The following TIAM2 variants were observed in gnomAD, a reference collection of about 807,000 sequenced individuals.
The protein encoded by TIAM2 is rho guanine nucleotide exchange factor TIAM2.
A neutral mutation model predicts 152.9 loss-of-function variants in TIAM2; 80 were observed. That is an observed-to-expected ratio of 0.52 (90% CI 0.44 to 0.63). The LOEUF (loss-of-function observed/expected upper bound fraction) is 0.63, where lower values mean the gene tolerates loss of function less well. Ranked by LOEUF, TIAM2 falls within the 30% of genes least tolerant of loss-of-function variation. The pLI, the probability that TIAM2 is intolerant of heterozygous loss-of-function variation, is 0.00. For synonymous variants in TIAM2, 804 were observed against 838.0 expected, an observed-to-expected ratio of 0.96 and a Z score of 0.70; for missense variants, 1,965 against 2,120.1, an observed-to-expected ratio of 0.93 and a Z score of 1.44.
At chr6:155,000,612 AACAGTAAGTG>A (rs1404090168) in intron 1 of TIAM2, among the ~76,000 whole-genome samples, 1 of 152,050 alleles carries the variant, frequency 6.6e-6, no homozygotes, top group African/African-American at 2.4e-5. Flanking sequence ...TTAAGTAGAG[AACAGTAAGTG>A]ACATTAAGTG....
intron 14 of TIAM2, among the ~76,000 whole-genome samples, chr6:155,204,170 G>A (rs191485868): frequency 2.6e-5 from 4 of 152,256 alleles, no homozygotes; most frequent in South Asian, 2.1e-4. Context: ...GAATTACCTC[G>A]ATTTTACAAA....
At chr6:155,115,803 G>T (rs960352142) in intron 2 of TIAM2, among the ~76,000 whole-genome samples, 1 of 152,160 alleles carries the variant, frequency 6.6e-6, no homozygotes, top group African/African-American at 2.4e-5. Flanking sequence ...TGTGCCTGGG[G>T]TATCCCGGCA....
At chr6:155,005,699 A>G (rs1350668083) in intron 1 of TIAM2, among the ~76,000 whole-genome samples, 1 of 144,068 alleles carries the variant, frequency 6.9e-6, no homozygotes, top group Non-Finnish European at 1.5e-5. Context: ...CTTGTTGCCT[A>G]GGCTGGAGTG....
At chr6:155,071,867 T>G (rs2114954788) in intron 1 of TIAM2, among the ~76,000 whole-genome samples, 1 of 147,488 alleles carries the variant, frequency 6.8e-6, no homozygotes, top group Middle Eastern at 3.5e-3. Context: ...CTGCACTCCA[T>G]GCTGGGCAAC....
chr6:155,095,629 A>G (rs2114986122), intron 2 of TIAM2, among the ~76,000 whole-genome samples: 1 of 152,332 alleles, frequency 6.6e-6, no homozygotes, highest in African/African-American at 2.4e-5. Flanking sequence ...CCCATCTGTC[A>G]GGATGCTGTA....
At chr6:155,133,473 A>G (rs1302720578) in intron 4 of TIAM2, among the ~76,000 whole-genome samples, 1 of 152,118 alleles carries the variant, frequency 6.6e-6, no homozygotes, top group African/African-American at 2.4e-5. Flanking sequence ...TGTTAAAAAA[A>G]GTACCTTCTT....
At chr6:155,142,436 G>A (rs1055832382) in intron 5 of TIAM2, among the ~76,000 whole-genome samples, 7 of 152,188 alleles carry the variant, frequency 4.6e-5, no homozygotes, top group African/African-American at 7.2e-5. Context: ...TAGATGCCAC[G>A]ATTTAAACCA....
chr6:155,104,561 T>C (rs944713747), intron 2 of TIAM2, among the ~76,000 whole-genome samples: 5 of 151,962 alleles, frequency 3.3e-5, no homozygotes, highest in Non-Finnish European at 5.9e-5. Flanking sequence ...ATCGAGACCA[T>C]CCTGGCTAAC....
At chr6:155,151,828 C>CT (rs5881122) in intron 7 of TIAM2, among the ~76,000 whole-genome samples, 9,017 of 144,428 alleles carry the variant, frequency 0.062, 305 homozygotes, top group South Asian at 0.084. Flanking sequence ...TCTATAGAAT[C>CT]TTTTTTTTTT....
intron 14 of TIAM2, among the ~76,000 whole-genome samples, chr6:155,201,969 T>C (rs543129533): frequency 3.0e-4 from 45 of 152,390 alleles, no homozygotes; most frequent in African/African-American, 9.9e-4. Flanking sequence ...AGAATTTATT[T>C]CTTTGCAAGC....
intron 14 of TIAM2, among the ~76,000 whole-genome samples, chr6:155,207,964 A>G (rs1040823390): frequency 3.9e-5 from 6 of 152,096 alleles, no homozygotes; most frequent in Admixed American, 6.5e-5. Context: ...GACATCAGCC[A>G]TGCTATATTT....
intron 15 of TIAM2, among the ~76,000 whole-genome samples, chr6:155,219,306 T>C (rs1781962134): frequency 6.6e-6 from 1 of 152,098 alleles, no homozygotes; most frequent in African/African-American, 2.4e-5. Context: ...AAATAGTGTA[T>C]GTTAGATCTG....
intron 4 of TIAM2, 67 bp downstream of exon 4, chr6:155,130,484 G>A: frequency 6.9e-7 from 1 of 1,452,784 alleles, no homozygotes; most frequent in Non-Finnish European, 9.3e-7. Flanking sequence ...GGGAAGGTTA[G>A]TAGAAGCCAC....
chr6:155,051,189 CG>C (rs1562301337), intron 1 of TIAM2, among the ~76,000 whole-genome samples: 2 of 152,074 alleles, frequency 1.3e-5, no homozygotes, highest in African/African-American at 4.8e-5. Context: ...AACATGGAAA[CG>C]GAAGCACTTG....
At chr6:155,131,917 T>C (rs1442117380) in intron 4 of TIAM2, among the ~76,000 whole-genome samples, 1 of 152,024 alleles carries the variant, frequency 6.6e-6, no homozygotes. Context: ...AGATAGCTAA[T>C]GGCATCCTGA....
At chr6:155,000,308 G>A (rs1030649056) in intron 1 of TIAM2, among the ~76,000 whole-genome samples, 1 of 152,044 alleles carries the variant, frequency 6.6e-6, no homozygotes, top group Admixed American at 6.5e-5. Flanking sequence ...GCCAAGGGGC[G>A]GATCACCTGA....
intron 1 of TIAM2, chr6:155,005,040 A>T: frequency 1.9e-6 from 1 of 519,008 alleles, no homozygotes; most frequent in Non-Finnish European, 3.0e-6. Context: ...GTAACCCATG[A>T]TGAGCCAGTG....
rs572316442 is a variant in TIAM2 at position 155,234,869 on chromosome 6, A to T, written c.3169-5661A>T. Among the ~76,000 whole-genome samples, 3 of 152,364 alleles carry T rather than the reference A, an allele frequency of 2.0e-5. No homozygotes were observed. In the East Asian group the frequency reaches 5.8e-4, roughly 29 times the overall value. On this transcript the variant is annotated intron_variant, in intron 15 of 26. Transcript: ENST00000682666. Reference sequence around the variant, plus strand: ...ACCTGGGGCCAGGAGAGCCCTGACCACATGGGAGGCAGAGGCAGCAGGAGG... The same window carrying T: ...ACCTGGGGCCAGGAGAGCCCTGACCTCATGGGAGGCAGAGGCAGCAGGAGG...
intron 2 of TIAM2, among the ~76,000 whole-genome samples, chr6:155,105,536 T>G (rs988492887): frequency 1.1e-4 from 16 of 152,136 alleles, no homozygotes; most frequent in African/African-American, 3.9e-4. Flanking sequence ...GCTCAAGTGA[T>G]CTGCCCACAT....
Sources: gnomAD v4.1 joint callset for allele counts (sites outside exome capture counted in the v4.1 genomes callset) on GRCh38, gnomAD v4.1.1 for gene constraint, MANE v1.5 for transcripts, NCBI Gene and HGNC (gene_info 2026-07-23, HGNC 2026-07-21) for gene names.